Variants in PRR11 observed in about 807,000 individuals in gnomAD.
PRR11 encodes the protein proline-rich protein 11.
PRR11 carries 30 observed loss-of-function variants against 45.6 expected under a neutral mutation model. The ratio of observed to expected loss-of-function variants is 0.66; its 90% CI spans 0.49 to 0.89. The LOEUF (loss-of-function observed/expected upper bound fraction) is 0.89. Among genes scored for constraint, PRR11 ranks in the 40% least tolerant of loss-of-function variants. PRR11 has a pLI of 0.00. For missense variants in PRR11, 373 were observed against 424.8 expected, an observed-to-expected ratio of 0.88 and a Z score of 1.07; for synonymous variants, 128 against 153.5, an observed-to-expected ratio of 0.83 and a Z score of 1.23.
intron 2 of PRR11, among the ~76,000 whole-genome samples, chr17:59,180,650 C>T (rs1473238924): frequency 2.6e-5 from 4 of 151,302 alleles, no homozygotes; most frequent in Admixed American, 6.6e-5. Flanking sequence ...GGAATACAGG[C>T]GTGCGCCACC....
chr17:59,175,776 C>A (rs1250635911), intron 2 of PRR11, among the ~76,000 whole-genome samples: 1 of 152,102 alleles, frequency 6.6e-6, no homozygotes, highest in African/African-American at 2.4e-5. Context: ...GGTGTGGTGT[C>A]ACAGCCCTGT....
chr17:59,183,150 T>C (rs2046797207), intron 2 of PRR11, among the ~76,000 whole-genome samples: 1 of 152,220 alleles, frequency 6.6e-6, no homozygotes, highest in Non-Finnish European at 1.5e-5. Context: ...TCTCTTGTCC[T>C]GGAGATCCTG....
chr17:59,194,038 A>C (rs1336458705), intron 5 of PRR11, among the ~76,000 whole-genome samples: 3 of 152,182 alleles, frequency 2.0e-5, no homozygotes, highest in African/African-American at 7.2e-5. Context: ...CAAATTTAGA[A>C]TAGAAGATTG....
chr17:59,201,282 T>G (rs556559748), intron 9 of PRR11, among the ~76,000 whole-genome samples: 1 of 152,306 alleles, frequency 6.6e-6, no homozygotes, highest in Non-Finnish European at 1.5e-5. Context: ...AATGTGTGGC[T>G]TTTATCCTCT....
intron 2 of PRR11, among the ~76,000 whole-genome samples, chr17:59,175,707 A>G (rs1322548326): frequency 8.5e-5 from 13 of 152,170 alleles, no homozygotes; most frequent in Non-Finnish European, 1.5e-4. Context: ...GGGCCACTCC[A>G]TTCCAGCCTC....
At chr17:59,182,477 T>C (rs2046793305) in intron 2 of PRR11, among the ~76,000 whole-genome samples, 1 of 147,856 alleles carries the variant, frequency 6.8e-6, no homozygotes, top group Non-Finnish European at 1.5e-5. Flanking sequence ...CTGCAACCTC[T>C]TCCTCCCAGG....
chr17:59,181,659 C>T, intron 2 of PRR11: 1 of 1,530,300 alleles, frequency 6.5e-7, no homozygotes, highest in Non-Finnish European at 8.9e-7. Context: ...CTGGCGCCTC[C>T]TCCGATGACT....
chr17:59,180,519 G>GTTTTTTTGT (rs1555716470), intron 2 of PRR11, among the ~76,000 whole-genome samples: 21 of 122,928 alleles, frequency 1.7e-4, no homozygotes, highest in Non-Finnish European at 2.3e-4. Flanking sequence ...TGTTTTTTTT[G>GTTTTTTTGT]TTTTTTTTGC....
chr17:59,178,379 G>A (rs965272662), intron 2 of PRR11: 1 of 449,014 alleles, frequency 2.2e-6, no homozygotes, highest in African/African-American at 2.0e-5. Context: ...AAGTGCTGGA[G>A]GGAGAGAAGA....
chr17:59,157,477 G>A (rs578078281), intron 1 of PRR11, among the ~76,000 whole-genome samples: 11 of 152,240 alleles, frequency 7.2e-5, no homozygotes, highest in African/African-American at 1.7e-4. Context: ...TGAAGCGGGC[G>A]GATCACTTGA....
intron 2 of PRR11, among the ~76,000 whole-genome samples, chr17:59,172,285 T>C (rs2046713201): frequency 1.3e-5 from 2 of 152,174 alleles, no homozygotes; most frequent in Non-Finnish European, 2.9e-5. Context: ...ATAGAGGTGG[T>C]GGTGCAGAAA....
chr17:59,191,478 CA>C (rs1284463118), intron 4 of PRR11, among the ~76,000 whole-genome samples: 2 of 152,090 alleles, frequency 1.3e-5, no homozygotes, highest in Non-Finnish European at 2.9e-5. Flanking sequence ...CTCAGCCTCC[CA>C]AGGTGCTGGG....
At chr17:59,192,541 G>A (rs747107595) in intron 4 of PRR11, among the ~76,000 whole-genome samples, 4 of 152,178 alleles carry the variant, frequency 2.6e-5, no homozygotes, top group Non-Finnish European at 5.9e-5. Flanking sequence ...GAAGCAAGAA[G>A]TCTGTGGCTT....
chr17:59,161,138 G>GGCTCATGCCTATAATC (rs1325832257), intron 1 of PRR11, among the ~76,000 whole-genome samples: 1 of 152,082 alleles, frequency 6.6e-6, no homozygotes, highest in African/African-American at 2.4e-5. Flanking sequence ...CAGGCATGGT[G>GGCTCATGCCTATAATC]GCTCATGCCT....
chr17:59,164,935 G>A (rs553058503), intron 1 of PRR11, among the ~76,000 whole-genome samples: 1 of 151,448 alleles, frequency 6.6e-6, no homozygotes, highest in Admixed American at 6.6e-5. Context: ...TTTTTCTTCA[G>A]GCAGCCACAA....
intron 1 of PRR11, among the ~76,000 whole-genome samples, chr17:59,157,261 A>T (rs780071735): frequency 6.6e-6 from 1 of 152,218 alleles, no homozygotes; most frequent in Non-Finnish European, 1.5e-5. Context: ...AGATGAATGA[A>T]ATTTGTCACA....
At chr17:59,181,812 G>T in intron 2 of PRR11, 1 of 1,373,026 alleles carries the variant, frequency 7.3e-7, no homozygotes, top group South Asian at 1.1e-5. Context: ...CCCCGACCCC[G>T]ACCCCAACCC....
rs564598626 is a variant in PRR11, at chr17:59,162,044, C to T, written c.-6+6239C>T. On this transcript the variant is annotated intron_variant, in intron 1 of 9. Transcript: ENST00000262293. ...GTAGAAATTTGCTATTCTCCACTTT[C>T]GCAAGAGCTGTGATTATTTTTGGAT... Among the ~76,000 whole-genome samples, 11 of 152,206 alleles carry T rather than the reference C, an allele frequency of 7.2e-5. No individual in the cohort carries two copies. In the East Asian group the frequency reaches 1.5e-3, roughly 21 times the overall value.
intron 2 of PRR11, among the ~76,000 whole-genome samples, chr17:59,171,205 GTGAGCCGAGACAGTGCCAC>G (rs1368649236): frequency 6.6e-6 from 1 of 151,856 alleles, no homozygotes; most frequent in Non-Finnish European, 1.5e-5. Context: ...AGAGCTTGCA[GTGAGCCGAGACAGTGCCAC>G]TGCGCTCCAG....
Sources: allele counts gnomAD v4.1 joint callset (sites outside exome capture counted in the v4.1 genomes callset), GRCh38; gene constraint gnomAD v4.1.1; transcripts MANE v1.5; gene names NCBI Gene and HGNC (gene_info 2026-07-23, HGNC 2026-07-21).